The following CTNNA3 variants were observed in gnomAD, a reference collection of about 807,000 sequenced individuals.
The protein encoded by CTNNA3 is catenin alpha 3.
CTNNA3 carries 76 observed loss-of-function variants against 95.7 expected under a neutral mutation model. The observed-to-expected ratio is 0.79, with a 90% CI of 0.66 to 0.96. The LOEUF (loss-of-function observed/expected upper bound fraction) is 0.96, where lower values mean the gene tolerates loss of function less well. Ranked by LOEUF, CTNNA3 falls within the 40% of genes least tolerant of loss-of-function variation. The pLI, the probability that CTNNA3 is intolerant of heterozygous loss-of-function variation, is 0.00. For synonymous variants in CTNNA3, 431 were observed against 374.4 expected, an observed-to-expected ratio of 1.15 and a Z score of -1.74; for missense variants, 1,191 against 1,089.8, an observed-to-expected ratio of 1.09 and a Z score of -1.31.
intron 5 of CTNNA3, among the ~76,000 whole-genome samples, chr10:67,292,127 C>T (rs972665187): frequency 7.9e-5 from 12 of 152,072 alleles, no homozygotes; most frequent in African/African-American, 2.4e-4. Flanking sequence ...TCTTGAATGG[C>T]GGGTGGGGGT....
chr10:67,107,059 T>C (rs1019883475), intron 7 of CTNNA3, among the ~76,000 whole-genome samples: 25 of 152,230 alleles, frequency 1.6e-4, no homozygotes, highest in African/African-American at 5.1e-4. Context: ...GCAAAAGTGA[T>C]AAATGACATA....
intron 7 of CTNNA3, among the ~76,000 whole-genome samples, chr10:66,901,068 C>T (rs972213039): frequency 6.6e-6 from 1 of 152,290 alleles, no homozygotes; most frequent in Admixed American, 6.5e-5. Flanking sequence ...CTGCAAGACA[C>T]ATACTTGTCA....
intron 5 of CTNNA3, among the ~76,000 whole-genome samples, chr10:67,338,374 G>A (rs909601610): frequency 1.3e-5 from 2 of 152,166 alleles, no homozygotes; most frequent in South Asian, 4.2e-4. Context: ...ACTAAGGGGA[G>A]TACACCAAGC....
chr10:66,772,079 CG>C (rs1840108578), intron 8 of CTNNA3, among the ~76,000 whole-genome samples: 1 of 151,914 alleles, frequency 6.6e-6, no homozygotes, highest in Non-Finnish European at 1.5e-5. Context: ...TGTATTTGAG[CG>C]GGAGGTGATG....
At chr10:67,040,448 C>T (rs1027434671) in intron 7 of CTNNA3, among the ~76,000 whole-genome samples, 20 of 152,022 alleles carry the variant, frequency 1.3e-4, no homozygotes, top group African/African-American at 4.3e-4. Flanking sequence ...TCCAATTTGT[C>T]ATCACAAATT....
intron 9 of CTNNA3, among the ~76,000 whole-genome samples, chr10:66,684,339 T>C (rs965405898): frequency 6.6e-6 from 1 of 152,172 alleles, no homozygotes; most frequent in African/African-American, 2.4e-5. Context: ...AGAATACACG[T>C]GCTAAACTAA....
At chr10:67,218,049 T>A (rs1864466405) in intron 6 of CTNNA3, among the ~76,000 whole-genome samples, 1 of 152,212 alleles carries the variant, frequency 6.6e-6, no homozygotes, top group African/African-American at 2.4e-5. Flanking sequence ...ATTTCATGTT[T>A]ACACATCAAT....
chr10:66,396,801 A>G (rs747000363), intron 11 of CTNNA3, among the ~76,000 whole-genome samples: 9 of 151,974 alleles, frequency 5.9e-5, no homozygotes, highest in Non-Finnish European at 1.2e-4. Flanking sequence ...ATAAGTTTAC[A>G]GATTCATGTC....
chr10:66,497,806 A>G (rs1840148801), intron 11 of CTNNA3, among the ~76,000 whole-genome samples: 1 of 152,106 alleles, frequency 6.6e-6, no homozygotes, highest in Admixed American at 6.5e-5. Flanking sequence ...ATCTTCCAAC[A>G]TATCATTTGT....
rs148072243 is a variant in CTNNA3, at chr10:66,213,628, C to T, written c.1884+66842G>A. On this transcript the variant is annotated intron_variant, in intron 13 of 17. Transcript: ENST00000433211. ...TGCCAATATCAGTAACATTGACCTA[C>T]CTTGGCCTCCTAAATCAGTTTTGGA... Among the ~76,000 whole-genome samples, 758 of 152,170 alleles carry T rather than the reference C, an allele frequency of 5.0e-3. 3 individuals are homozygous for T. Among genetic ancestry groups the T allele is most frequent in the Non-Finnish European group, 7.5e-3 (511 of 68,022 alleles).
intron 5 of CTNNA3, among the ~76,000 whole-genome samples, chr10:67,481,338 ATC>A (rs1459207121): frequency 6.6e-6 from 1 of 152,150 alleles, no homozygotes; most frequent in Non-Finnish European, 1.5e-5. Flanking sequence ...AATTCAAATG[ATC>A]TCTCTTCACT....
intron 13 of CTNNA3, among the ~76,000 whole-genome samples, chr10:66,134,135 T>C (rs2083246636): frequency 6.6e-6 from 1 of 152,032 alleles, no homozygotes; most frequent in African/African-American, 2.4e-5. Flanking sequence ...AAAGCTAATA[T>C]CTCTAAATGT....
chr10:66,709,184 G>C (rs1848213785), intron 9 of CTNNA3, among the ~76,000 whole-genome samples: 1 of 151,968 alleles, frequency 6.6e-6, no homozygotes, highest in Non-Finnish European at 1.5e-5. Context: ...AAGATTTCAG[G>C]GTAGAATGGC....
intron 1 of CTNNA3, among the ~76,000 whole-genome samples, chr10:67,662,838 G>A (rs1273700635): frequency 6.6e-6 from 1 of 151,978 alleles, no homozygotes; most frequent in Non-Finnish European, 1.5e-5. Context: ...TTAAAGGAGT[G>A]AATTTAATAT....
rs115382596 is a variant in CTNNA3 at position 66,550,671 on chromosome 10, G to A, written c.1375-29898C>T. ...TGATGTGGATAATTTTAGATCTACC[G>A]TTTTATTATTATTTTGTTGTTCCTC... On this transcript the variant is annotated intron_variant, in intron 10 of 17. Coordinates refer to ENST00000433211, the MANE Select transcript of CTNNA3 (RefSeq NM_013266.4). 7.8e-3 allele frequency among the ~76,000 whole-genome samples: 1,190 copies of A among 152,026 alleles called. 16 individuals are homozygous for A. The highest frequency in any genetic ancestry group is 0.027 in the African/African-American group (1,111 of 41,468).
chr10:66,999,736 G>A (rs1260208373), intron 7 of CTNNA3, among the ~76,000 whole-genome samples: 1 of 151,998 alleles, frequency 6.6e-6, no homozygotes, highest in Non-Finnish European at 1.5e-5. Flanking sequence ...AAAAACAATT[G>A]GCAATTTTAC....
chr10:66,469,724 G>A (rs1323394785), intron 11 of CTNNA3, among the ~76,000 whole-genome samples: 1 of 151,712 alleles, frequency 6.6e-6, no homozygotes, highest in East Asian at 1.9e-4. Flanking sequence ...TAAGGTGAAG[G>A]ATAATGGAAG....
intron 7 of CTNNA3, among the ~76,000 whole-genome samples, chr10:67,022,087 G>A (rs1455445704): frequency 1.3e-5 from 2 of 152,180 alleles, no homozygotes; most frequent in East Asian, 1.9e-4. Context: ...CAGGAACTTG[G>A]ACCTTCCCTG....
intron 7 of CTNNA3, among the ~76,000 whole-genome samples, chr10:66,900,510 G>A (rs1402767016): frequency 6.6e-6 from 1 of 152,196 alleles, no homozygotes; most frequent in Non-Finnish European, 1.5e-5. Flanking sequence ...AAGAAAGCTG[G>A]ACGGAGAATG....
Sources: gnomAD v4.1 joint callset for allele counts (sites outside exome capture counted in the v4.1 genomes callset) on GRCh38, gnomAD v4.1.1 for gene constraint, MANE v1.5 for transcripts, NCBI Gene and HGNC (gene_info 2026-07-23, HGNC 2026-07-21) for gene names.